Variants in CCDC77 observed in about 807,000 individuals in gnomAD.
CCDC77 encodes the protein coiled-coil domain-containing protein 77.
CCDC77 carries 56 observed loss-of-function variants against 66.8 expected under a neutral mutation model. The ratio of observed to expected loss-of-function variants is 0.84; its 90% CI spans 0.68 to 1.05. The LOEUF is 1.05. Ranked by LOEUF, CCDC77 falls within the 50% of genes least tolerant of loss-of-function variation. CCDC77 has a pLI of 0.00. For synonymous variants in CCDC77, 196 were observed against 195.2 expected (o/e 1.00, Z -0.03); for missense variants, 570 against 576.8 (o/e 0.99, Z 0.12).
chr12:414,695 T>G (rs891348648), intron 4 of CCDC77, among the ~76,000 whole-genome samples: 1 of 152,204 alleles, frequency 6.6e-6, no homozygotes, highest in Non-Finnish European at 1.5e-5. Context: ...CTTTATTCTT[T>G]GTCTTGGCAA....
chr12:404,955 C>G (rs1944965272), intron 1 of CCDC77, among the ~76,000 whole-genome samples: 1 of 152,136 alleles, frequency 6.6e-6, no homozygotes, highest in Non-Finnish European at 1.5e-5. Context: ...TTCCTGACCT[C>G]AGGTGATCCG....
chr12:416,206 G>T (rs142461007), intron 4 of CCDC77, among the ~76,000 whole-genome samples: 224 of 150,940 alleles, frequency 1.5e-3, no homozygotes, highest in African/African-American at 5.2e-3. Context: ...CTCCCAAAGT[G>T]TTGGGATTAC....
chr12:400,130 G>A (rs1388365234), upstream of CCDC77, among the ~76,000 whole-genome samples: 3 of 152,164 alleles, frequency 2.0e-5, no homozygotes, highest in East Asian at 3.8e-4. Flanking sequence ...TAAACCTCAC[G>A]AACCAGCCTC....
chr12:424,876 C>G (rs577558215), intron 5 of CCDC77, among the ~76,000 whole-genome samples: 9 of 149,458 alleles, frequency 6.0e-5, no homozygotes, highest in Non-Finnish European at 1.2e-4. Context: ...GTCCAGTTTT[C>G]TCAACATCAT....
At chr12:428,391 G>A (rs1302094675) in intron 5 of CCDC77, among the ~76,000 whole-genome samples, 1 of 151,204 alleles carries the variant, frequency 6.6e-6, no homozygotes, top group Non-Finnish European at 1.5e-5. Flanking sequence ...GGCGCCTGTA[G>A]TCCCAGGTGC....
chr12:395,448 G>C (rs941778974), intron 1 of CCDC77, among the ~76,000 whole-genome samples: 6 of 152,110 alleles, frequency 3.9e-5, no homozygotes, highest in Non-Finnish European at 5.9e-5. Context: ...ATTGCTAAAT[G>C]AATATCCAAT....
intron 8 of CCDC77, among the ~76,000 whole-genome samples, chr12:432,966 AG>A (rs1315950522): frequency 9.2e-5 from 14 of 152,298 alleles, no homozygotes; most frequent in African/African-American, 3.4e-4. Flanking sequence ...CAGGGGGTTG[AG>A]GCTGCAGTGA....
intron 4 of CCDC77, among the ~76,000 whole-genome samples, chr12:412,797 C>CCTTCCACA (rs148683815): frequency 0.012 from 1,818 of 152,300 alleles, 34 homozygotes; most frequent in African/African-American, 0.041. Flanking sequence ...GCTTTCCTCT[C>CCTTCCACA]CTTCCACATC....
At chr12:411,185 T>C (rs2137548455) in intron 3 of CCDC77, among the ~76,000 whole-genome samples, 1 of 152,276 alleles carries the variant, frequency 6.6e-6, no homozygotes, top group African/African-American at 2.4e-5. Context: ...AATTTGTTTT[T>C]TTTTTTTGAG....
At chr12:408,445 G>A (rs1945040910) in intron 2 of CCDC77, among the ~76,000 whole-genome samples, 2 of 152,126 alleles carry the variant, frequency 1.3e-5, no homozygotes, top group East Asian at 1.9e-4. Context: ...GAAAGTACGC[G>A]AAATAAAGAT....
At chr12:402,294 G>A (rs975427582) in intron 1 of CCDC77, among the ~76,000 whole-genome samples, 3 of 152,210 alleles carry the variant, frequency 2.0e-5, no homozygotes, top group Admixed American at 2.0e-4. Context: ...TAGCATGGGA[G>A]AAACGATAGC....
At chr12:441,683 G>A in intron 12 of CCDC77, 91 bp from the exon 13 acceptor site, 1 of 1,347,538 alleles carries the variant, frequency 7.4e-7, no homozygotes, top group Non-Finnish European at 1.0e-6. Context: ...TCACAAAAAG[G>A]AGCTAGCATA....
At chr12:393,986 C>T (rs1944794998) in intron 1 of CCDC77, among the ~76,000 whole-genome samples, 2 of 152,154 alleles carry the variant, frequency 1.3e-5, no homozygotes, top group Admixed American at 6.5e-5. Context: ...AAAATATCAC[C>T]ATCAATTTAT....
At chr12:431,097 A>G (rs1402848718) in intron 7 of CCDC77, among the ~76,000 whole-genome samples, 2 of 151,140 alleles carry the variant, frequency 1.3e-5, no homozygotes, top group South Asian at 2.1e-4. Flanking sequence ...AGAACACACA[A>G]TTGGAAATGT....
intron 1 of CCDC77, among the ~76,000 whole-genome samples, chr12:390,967 G>A (rs1944744349): frequency 6.6e-6 from 1 of 152,130 alleles, no homozygotes; most frequent in Non-Finnish European, 1.5e-5. Context: ...TGGAAGCAAA[G>A]ACCTAAAGCC....
At position 428,629 on chromosome 12, in the gene CCDC77, A is replaced by C; in HGVS notation, c.414-140A>C. 5.9e-6 allele frequency: 3 copies of C among 508,774 alleles called. No homozygotes were observed. In the South Asian group the frequency reaches 8.7e-5, roughly 15 times the overall value. 31.5% of individuals were successfully genotyped at this position (508,774 alleles called of 1,614,324 possible). A position where few individuals can be genotyped will look rare whatever the true frequency, so the allele number is the denominator to read the frequency against. On this transcript the variant is annotated intron_variant, in intron 5 of 12. Transcript: ENST00000239830. ...GCTGAAGTCTAGATACAAACTATTC[A>C]ATTTTAATTTGAGGTTACTGTTTTA...
intron 5 of CCDC77, 152 bp downstream of exon 5, chr12:418,788 C>T: frequency 1.3e-6 from 1 of 741,636 alleles, no homozygotes; most frequent in South Asian, 1.8e-5. Context: ...CAGCCTCCAC[C>T]TCCTGGTTCC....
intron 5 of CCDC77, among the ~76,000 whole-genome samples, chr12:423,484 T>TC (rs1565572220): frequency 5.9e-5 from 2 of 33,722 alleles, no homozygotes; most frequent in African/African-American, 1.3e-4. Flanking sequence ...TTTGTGTTTT[T>TC]TTTTGTTTTG....
At chr12:390,736 A>AACAC (rs58938735) in intron 1 of CCDC77, among the ~76,000 whole-genome samples, 17,689 of 149,374 alleles carry the variant, frequency 0.12, 1,474 homozygotes, top group East Asian at 0.44. Flanking sequence ...TATCTTTATA[A>AACAC]ACACACACAC....
Sources: gnomAD v4.1 joint callset for allele counts (sites outside exome capture counted in the v4.1 genomes callset) on GRCh38, gnomAD v4.1.1 for gene constraint, MANE v1.5 for transcripts, NCBI Gene and HGNC (gene_info 2026-07-23, HGNC 2026-07-21) for gene names.